DYSF: variants seen among roughly 807,000 people sequenced by gnomAD.
DYSF encodes the protein dystrophy-associated fer-1-like 1.
A neutral mutation model predicts 274.9 loss-of-function variants in DYSF; 212 were observed. That is an observed-to-expected ratio of 0.77 (90% CI 0.69 to 0.86). DYSF has a LOEUF of 0.86. Ranked by LOEUF, DYSF falls within the 40% of genes least tolerant of loss-of-function variation. The pLI, the probability that DYSF is intolerant of heterozygous loss-of-function variation, is 0.00. For synonymous variants in DYSF, 1,091 were observed against 1,078.7 expected, an observed-to-expected ratio of 1.01 and a Z score of -0.22; for missense variants, 2,666 against 2,783.2, an observed-to-expected ratio of 0.96 and a Z score of 0.95.
chr2:71,522,536 C>T (rs904296832), intron 12 of DYSF, among the ~76,000 whole-genome samples: 3 of 152,120 alleles, frequency 2.0e-5, no homozygotes, highest in African/African-American at 7.2e-5. Context: ...CAGTTCAGTC[C>T]CTGTTCCCTT....
At chr2:71,598,112 C>T (rs78613888) in intron 32 of DYSF, among the ~76,000 whole-genome samples, 112 of 152,350 alleles carry the variant, frequency 7.4e-4, no homozygotes, top group Non-Finnish European at 1.4e-3. Context: ...TGTAATTTTA[C>T]GTTAGCTTGT....
intron 23 of DYSF, among the ~76,000 whole-genome samples, chr2:71,563,837 C>T (rs79768481): frequency 6.6e-6 from 1 of 152,230 alleles, no homozygotes; most frequent in African/African-American, 2.4e-5. Context: ...GAGCTGGGGG[C>T]AGCCTTATGC....
At chr2:71,564,258 A>G (rs747531546) in intron 24 of DYSF, 45 bp downstream of exon 24, 13 of 1,612,284 alleles carry the variant, frequency 8.1e-6, no homozygotes, top group Admixed American at 1.7e-5. Context: ...TTTTCCCAAC[A>G]TAAGGCCTTT....
At chr2:71,474,410 A>G (rs972191408) in intron 1 of DYSF, among the ~76,000 whole-genome samples, 1 of 152,238 alleles carries the variant, frequency 6.6e-6, no homozygotes, top group African/African-American at 2.4e-5. Flanking sequence ...CTCACCCAGC[A>G]TAAGCTGTGA....
chr2:71,624,653 T>G (rs929104512), intron 41 of DYSF, among the ~76,000 whole-genome samples: 6 of 152,140 alleles, frequency 3.9e-5, no homozygotes, highest in Admixed American at 2.0e-4. Context: ...GTAGGAAACC[T>G]AAATTTAAAA....
intron 23 of DYSF, 44 bp downstream of exon 23, chr2:71,561,988 G>T: frequency 1.3e-6 from 2 of 1,594,076 alleles, no homozygotes; most frequent in East Asian, 2.3e-5. Flanking sequence ...CTCTCCTGCT[G>T]CCTGGAACAT....
chr2:71,606,068 C>G (rs1313838896), intron 36 of DYSF, among the ~76,000 whole-genome samples: 1 of 151,998 alleles, frequency 6.6e-6, no homozygotes, highest in Non-Finnish European at 1.5e-5. Context: ...CTTGCCAACA[C>G]TTCCCTTGCC....
chr2:71,476,567 A>G (rs1291629601), intron 1 of DYSF, among the ~76,000 whole-genome samples: 1 of 151,272 alleles, frequency 6.6e-6, no homozygotes, highest in Non-Finnish European at 1.5e-5. Flanking sequence ...AGGCCTTGGC[A>G]CTAAATTGTG....
chr2:71,580,685 C>A (rs981098938), intron 30 of DYSF, among the ~76,000 whole-genome samples: 2 of 152,144 alleles, frequency 1.3e-5, no homozygotes, highest in Non-Finnish European at 2.9e-5. Context: ...CGTTGAGCAC[C>A]TGTTCTATAC....
intron 41 of DYSF, among the ~76,000 whole-genome samples, chr2:71,627,179 A>G (rs1278590591): frequency 6.9e-6 from 1 of 145,028 alleles, no homozygotes; most frequent in Non-Finnish European, 1.5e-5. Context: ...CTTTTCTTCC[A>G]TTTTGGGGGA....
At chr2:71,677,294 GA>G (rs1469739476) in intron 52 of DYSF, among the ~76,000 whole-genome samples, 4 of 152,186 alleles carry the variant, frequency 2.6e-5, no homozygotes, top group African/African-American at 4.8e-5. Flanking sequence ...ATTCTACACT[GA>G]AAAAAATTGA....
chr2:71,501,930 A>T (rs901894618), intron 3 of DYSF, among the ~76,000 whole-genome samples: 1 of 152,168 alleles, frequency 6.6e-6, no homozygotes, highest in Non-Finnish European at 1.5e-5. Context: ...GAATTGCTAG[A>T]TCATATGCTA....
chr2:71,644,920 A>AAAG lies in DYSF; in HGVS notation c.4626+858_4626+860dup, dbSNP rs200485412. On this transcript the variant is annotated intron_variant, in intron 42 of 55. Coordinates refer to ENST00000410020, the MANE Select transcript of DYSF (RefSeq NM_001130987.2). ...AAAAATTATTGGTTATGAAACAGGA[A>AAAG]AAGTTCCCTTATCCCCCTTGCAGGG... is the stretch of plus-strand genomic sequence containing the variant. 3.4e-3 allele frequency among the ~76,000 whole-genome samples: 514 copies of AAAG among 152,308 alleles called. 11 individuals are homozygous for AAAG. In the East Asian group the frequency reaches 0.043, roughly 13 times the overall value.
rs576136160 is a variant in DYSF at position 71,614,484 on chromosome 2, C to G, written c.4464+1074C>G. Among the ~76,000 whole-genome samples the G allele has an allele frequency of 2.4e-4, 37 of 152,350 alleles. No individual in the cohort carries two copies. The South Asian group carries it at 7.2e-3, about 30-fold the overall frequency. ...TTCTGCTGGGAAGACCTCCTGCCCC[C>G]TGTCCCTTGTCCAACTCTTGATCAT... On this transcript the variant is annotated intron_variant, in intron 40 of 55. Coordinates refer to ENST00000410020, the MANE Select transcript of DYSF (RefSeq NM_001130987.2).
chr2:71,548,727 T>G (rs934853121), intron 17 of DYSF, among the ~76,000 whole-genome samples: 2 of 152,182 alleles, frequency 1.3e-5, no homozygotes, highest in African/African-American at 4.8e-5. Flanking sequence ...GGCTCTGTGA[T>G]TCCCTGGAAG....
At chr2:71,570,533 A>C in intron 28 of DYSF, 66 bp from the exon 29 acceptor site, 1 of 1,596,386 alleles carries the variant, frequency 6.3e-7, no homozygotes, top group African/African-American at 1.3e-5. Context: ...CCCCAAATTC[A>C]GAGATGGTCC....
chr2:71,546,275 C>T (rs1433320901), intron 17 of DYSF, among the ~76,000 whole-genome samples: 1 of 152,246 alleles, frequency 6.6e-6, no homozygotes, highest in Non-Finnish European at 1.5e-5. Flanking sequence ...GCTTGTAGCC[C>T]ATTGGGGTGA....
intron 3 of DYSF, among the ~76,000 whole-genome samples, chr2:71,495,790 T>A (rs986260077): frequency 5.3e-5 from 8 of 151,856 alleles, no homozygotes; most frequent in African/African-American, 1.9e-4. Flanking sequence ...AGGCCCGGAG[T>A]CACTGGGGCA....
chr2:71,578,168 G>C (rs553971375), intron 30 of DYSF, among the ~76,000 whole-genome samples: 12 of 152,162 alleles, frequency 7.9e-5, no homozygotes, highest in Non-Finnish European at 1.8e-4. Flanking sequence ...GGTGGGCCCC[G>C]AGAATCTCTG....
Sources: allele counts gnomAD v4.1 joint callset (sites outside exome capture counted in the v4.1 genomes callset), GRCh38; gene constraint gnomAD v4.1.1; transcripts MANE v1.5; gene names NCBI Gene and HGNC (gene_info 2026-07-23, HGNC 2026-07-21).